The following CDH18 variants were observed in gnomAD, a reference collection of about 807,000 sequenced individuals.
CDH18 encodes the protein cadherin 18, also known as cadherin-18.
A neutral mutation model predicts 67.9 loss-of-function variants in CDH18; 31 were observed. That is an observed-to-expected ratio of 0.46 (90% CI 0.34 to 0.62). The LOEUF is 0.62. Among genes scored for constraint, CDH18 ranks in the 20% least tolerant of loss-of-function variants. The pLI is 0.01. For synonymous variants in CDH18, 362 were observed against 347.2 expected (o/e 1.04, Z -0.48); for missense variants, 890 against 975.5 (o/e 0.91, Z 1.17).
rs574208368 is a variant in CDH18, at chr5:19,660,398, C to T, written c.644-47797G>A. On this transcript the variant is annotated intron_variant, in intron 5 of 12. Coordinates refer to ENST00000382275, the MANE Select transcript of CDH18 (RefSeq NM_004934.5). ...TGCTGAATAGGCAACATACGTGAAC[C>T]TGCCAAAGAATTACCACAATCAGTA... is the stretch of plus-strand genomic sequence containing the variant. Among the ~76,000 whole-genome samples, 318 of 152,226 alleles carry T rather than the reference C, an allele frequency of 2.1e-3. 2 individuals are homozygous for T. Among genetic ancestry groups the T allele is most frequent in the Non-Finnish European group, 4.0e-3 (274 of 68,020 alleles).
chr5:19,526,077 T>G (rs1328013018), intron 9 of CDH18, among the ~76,000 whole-genome samples: 1 of 152,164 alleles, frequency 6.6e-6, no homozygotes, highest in Non-Finnish European at 1.5e-5. Context: ...ATTTGCAATT[T>G]ATTGATGTGC....
intron 2 of CDH18, among the ~76,000 whole-genome samples, chr5:20,035,016 A>G (rs1281987060): frequency 1.3e-5 from 2 of 152,042 alleles, no homozygotes; most frequent in Non-Finnish European, 2.9e-5. Flanking sequence ...AAAACCTTTC[A>G]AATCCATTAT....
intron 7 of CDH18, among the ~76,000 whole-genome samples, chr5:19,588,509 A>G (rs1023652953): frequency 2.6e-5 from 4 of 152,094 alleles, no homozygotes; most frequent in African/African-American, 9.7e-5. Context: ...GTGCAAAATA[A>G]CCAGCTAGCA....
intron 2 of CDH18, among the ~76,000 whole-genome samples, chr5:19,868,337 G>C (rs939621376): frequency 4.6e-5 from 7 of 152,088 alleles, no homozygotes; most frequent in Non-Finnish European, 8.8e-5. Flanking sequence ...ACTGATCCAA[G>C]TGGAACAAAC....
intron 2 of CDH18, among the ~76,000 whole-genome samples, chr5:20,231,466 T>C (rs1211307800): frequency 6.6e-6 from 1 of 151,686 alleles, no homozygotes; most frequent in Non-Finnish European, 1.5e-5. Context: ...CAGGGTGGGG[T>C]GGCGCTCCTG....
intron 1 of CDH18, among the ~76,000 whole-genome samples, chr5:20,274,606 C>A (rs2126676294): frequency 6.6e-6 from 1 of 152,110 alleles, no homozygotes; most frequent in East Asian, 1.9e-4. Flanking sequence ...AGCTTATATA[C>A]ATCAGTGATA....
At chr5:19,908,769 T>C (rs1158833717) in intron 2 of CDH18, among the ~76,000 whole-genome samples, 2 of 152,172 alleles carry the variant, frequency 1.3e-5, no homozygotes, top group African/African-American at 4.8e-5. Context: ...TTCATAATGA[T>C]TAAATTAATT....
intron 2 of CDH18, among the ~76,000 whole-genome samples, chr5:19,961,572 C>CA (rs1255011915): frequency 2.3e-4 from 35 of 151,288 alleles, no homozygotes; most frequent in African/African-American, 8.6e-4. Flanking sequence ...ACAATGTCAC[C>CA]AGCACTGGAT....
At chr5:20,458,310 T>A (rs1254714702) in intron 1 of CDH18, among the ~76,000 whole-genome samples, 1 of 152,136 alleles carries the variant, frequency 6.6e-6, no homozygotes, top group East Asian at 1.9e-4. Flanking sequence ...ATATATGTAA[T>A]ACATGCTTAA....
intron 3 of CDH18, among the ~76,000 whole-genome samples, chr5:19,758,438 CCT>C (rs1380430640): frequency 1.3e-5 from 2 of 152,196 alleles, no homozygotes; most frequent in Non-Finnish European, 2.9e-5. Flanking sequence ...AAACAACATC[CCT>C]GTCTGCCACT....
intron 1 of CDH18, among the ~76,000 whole-genome samples, chr5:20,420,916 C>G (rs1487911467): frequency 6.6e-6 from 1 of 151,156 alleles, no homozygotes; most frequent in Non-Finnish European, 1.5e-5. Flanking sequence ...TTCACGAAAA[C>G]TGAAATTTTT....
At chr5:20,522,297 C>A (rs151086987) in intron 1 of CDH18, among the ~76,000 whole-genome samples, 2,183 of 152,206 alleles carry the variant, frequency 0.014, 24 homozygotes, top group South Asian at 0.02. Context: ...TATTACAGTA[C>A]CCCTAGCAAA....
At chr5:19,752,357 C>T (rs1017545621) in intron 3 of CDH18, among the ~76,000 whole-genome samples, 1 of 152,056 alleles carries the variant, frequency 6.6e-6, no homozygotes, top group Non-Finnish European at 1.5e-5. Flanking sequence ...AGGAGTGAGA[C>T]CAGCCCTTTG....
At chr5:19,843,654 A>G (rs1782596785) in intron 2 of CDH18, among the ~76,000 whole-genome samples, 1 of 152,172 alleles carries the variant, frequency 6.6e-6, no homozygotes. Flanking sequence ...AGAATTGTAG[A>G]TCCACCAACA....
intron 5 of CDH18, among the ~76,000 whole-genome samples, chr5:19,628,881 G>A (rs1751975416): frequency 6.6e-6 from 1 of 151,384 alleles, no homozygotes; most frequent in Admixed American, 6.6e-5. Context: ...ATAAGATTGA[G>A]AGAAAAGGTA....
intron 8 of CDH18, among the ~76,000 whole-genome samples, chr5:19,545,412 C>T (rs1325992943): frequency 2.0e-5 from 3 of 152,072 alleles, no homozygotes; most frequent in Non-Finnish European, 4.4e-5. Flanking sequence ...GCAAGAATTT[C>T]AAATTCAAGA....
At chr5:19,564,382 A>G (rs77489887) in intron 8 of CDH18, among the ~76,000 whole-genome samples, 143 of 152,306 alleles carry the variant, frequency 9.4e-4, no homozygotes, top group East Asian at 2.3e-3. Context: ...CAACTTGGAT[A>G]CAAGTTCAGC....
In CDH18 at chr5:19,782,059, TA is replaced by T. The variant is rs555825991; in HGVS notation, c.229-34824del. Among the ~76,000 whole-genome samples, 37 of 151,878 alleles carry T rather than the reference TA, an allele frequency of 2.4e-4. No homozygotes were observed. The Middle Eastern group carries it at 0.014, about 56-fold the overall frequency. ...TAATAGGGATATATGGATGCAAAAA[TA>T]AAAAAAAGCAAACACACCTGTATTA... On this transcript the variant is annotated intron_variant, in intron 3 of 12. Transcript: ENST00000382275.
At chr5:19,831,430 CT>C (rs1781020444) in intron 3 of CDH18, among the ~76,000 whole-genome samples, 1 of 151,762 alleles carries the variant, frequency 6.6e-6, no homozygotes, top group African/African-American at 2.4e-5. Context: ...AAAAACAACC[CT>C]ATTAAAAATG....
Sources: allele counts gnomAD v4.1 joint callset (sites outside exome capture counted in the v4.1 genomes callset), GRCh38; gene constraint gnomAD v4.1.1; transcripts MANE v1.5; gene names NCBI Gene and HGNC (gene_info 2026-07-23, HGNC 2026-07-21).